Variants in CRYBG1 observed in about 807,000 individuals in gnomAD.
The protein encoded by CRYBG1 is beta/gamma crystallin domain-containing protein 1.
CRYBG1 carries 139 observed loss-of-function variants against 189.2 expected under a neutral mutation model. That is an observed-to-expected ratio of 0.73 (90% CI 0.64 to 0.85). The LOEUF is 0.85. Among genes scored for constraint, CRYBG1 ranks in the 40% least tolerant of loss-of-function variants. CRYBG1 has a pLI of 0.00. For missense variants in CRYBG1, 2,611 were observed against 2,675.8 expected, an observed-to-expected ratio of 0.98 and a Z score of 0.53; for synonymous variants, 1,023 against 1,017.1, an observed-to-expected ratio of 1.01 and a Z score of -0.11.
intron 18 of CRYBG1, among the ~76,000 whole-genome samples, chr6:106,560,456 TAAC>T (rs1774683525): frequency 6.6e-6 from 1 of 152,192 alleles, no homozygotes; most frequent in South Asian, 2.1e-4. Context: ...TTGGAAATAT[TAAC>T]AACTTAAAGA....
intron 1 of CRYBG1, among the ~76,000 whole-genome samples, chr6:106,416,215 C>T (rs1474955740): frequency 6.6e-6 from 1 of 152,222 alleles, no homozygotes; most frequent in African/African-American, 2.4e-5. Flanking sequence ...AATACCACTC[C>T]CACTGTGGAC....
rs373264265 is a variant in CRYBG1, at chr6:106,558,100, A to G, written c.5716-386A>G. Among the ~76,000 whole-genome samples, 60 of 152,326 alleles carry G rather than the reference A, an allele frequency of 3.9e-4. 1 individual carries two copies. The highest frequency in any genetic ancestry group is 1.3e-3 in the African/African-American group (54 of 41,574). On this transcript the variant is annotated intron_variant, in intron 17 of 21. Transcript: ENST00000633556. ...TGTACACTAAGTGACTAAACATCAGATGCCACAGCCCTCTGACCCTTGGCA... is the reference window on the plus strand; with the variant it reads ...TGTACACTAAGTGACTAAACATCAGGTGCCACAGCCCTCTGACCCTTGGCA...
At chr6:106,514,285 T>G (rs566370368) in intron 3 of CRYBG1, among the ~76,000 whole-genome samples, 1 of 152,340 alleles carries the variant, frequency 6.6e-6, no homozygotes, top group South Asian at 2.1e-4. Flanking sequence ...TGCTTAAGTT[T>G]TTCCTCCATT....
intron 1 of CRYBG1, among the ~76,000 whole-genome samples, chr6:106,376,772 C>T (rs1770171675): frequency 2.0e-5 from 3 of 152,150 alleles, no homozygotes; most frequent in Non-Finnish European, 4.4e-5. Context: ...TTTGTGTGTA[C>T]CATCGGTTCT....
In CRYBG1 at chr6:106,493,514, G is replaced by A. The variant is rs1439920724; in HGVS notation, c.313-17916G>A. Among the ~76,000 whole-genome samples the A allele has an allele frequency of 2.0e-5, 3 of 152,082 alleles. No homozygotes were observed. The East Asian group carries it at 5.8e-4, about 29-fold the overall frequency. On this transcript the variant is annotated intron_variant, in intron 2 of 21. Coordinates refer to ENST00000633556, the MANE Select transcript of CRYBG1 (RefSeq NM_001371242.2). ...TATATATCCAAAAGCATTGAGAGCA[G>A]GATCTCAAAGAGATATTTACACACC... is the stretch of plus-strand genomic sequence containing the variant.
chr6:106,457,754 A>G (rs1280751045), intron 2 of CRYBG1, among the ~76,000 whole-genome samples: 9 of 152,230 alleles, frequency 5.9e-5, no homozygotes, highest in Non-Finnish European at 8.8e-5. Context: ...CCACATGGGT[A>G]GATCTAGTAC....
At chr6:106,389,552 AG>A (rs958748269) in intron 1 of CRYBG1, among the ~76,000 whole-genome samples, 3 of 152,164 alleles carry the variant, frequency 2.0e-5, no homozygotes, top group African/African-American at 7.2e-5. Flanking sequence ...TGCATTAAAA[AG>A]CAAGGTGTTG....
At chr6:106,461,578 C>T (rs1772008592) in intron 2 of CRYBG1, among the ~76,000 whole-genome samples, 2 of 152,102 alleles carry the variant, frequency 1.3e-5, no homozygotes, top group African/African-American at 4.8e-5. Context: ...CTTTCCTAAT[C>T]GTGATAGAAT....
At position 106,525,256 on chromosome 6, in the gene CRYBG1, G is replaced by A. The variant is rs565417519; in HGVS notation, c.4294-12G>A. ...TACAACAAAGTGTGCTACCACTTTC[G>A]TTTTCTTGCAGGTAGTGATATATAG... On this transcript the variant is annotated splice_polypyrimidine_tract_variant and intron_variant, in intron 5 of 21. Coordinates refer to ENST00000633556, the MANE Select transcript of CRYBG1 (RefSeq NM_001371242.2). 3.1e-6 allele frequency: 5 copies of A among 1,613,634 alleles called. No individual in the cohort carries two copies. Among genetic ancestry groups the A allele is most frequent in the African/African-American group, 1.3e-5 (1 of 75,026 alleles).
chr6:106,505,647 C>A (rs571530074), intron 2 of CRYBG1, among the ~76,000 whole-genome samples: 1 of 152,172 alleles, frequency 6.6e-6, no homozygotes, highest in East Asian at 1.9e-4. Flanking sequence ...AATTTTCTAA[C>A]CCCTATTTTA....
In CRYBG1 at chr6:106,569,728, C is replaced by CACCTGCATCCACACATG. The variant is rs1247609040; in HGVS notation, c.*1163_*1179dup. 1.1e-4 allele frequency: 17 copies of CACCTGCATCCACACATG among 152,296 alleles called. No individual in the cohort carries two copies. The highest frequency in any genetic ancestry group is 4.1e-4 in the African/African-American group (17 of 41,558). 9.4% of individuals were successfully genotyped at this position (152,296 alleles called of 1,614,324 possible). A position where few individuals can be genotyped will look rare whatever the true frequency, so the allele number is the denominator to read the frequency against. ...TAGCCTAATTTCTTGTCCTCCTATC[C>CACCTGCATCCACACATG]ACCTGCATCCACACATGGCCTGCAT... On this transcript the variant is annotated 3_prime_UTR_variant, in exon 22 of 22. Coordinates refer to ENST00000633556, the MANE Select transcript of CRYBG1 (RefSeq NM_001371242.2).
intron 2 of CRYBG1, among the ~76,000 whole-genome samples, chr6:106,482,201 T>A (rs1772478026): frequency 6.6e-6 from 1 of 152,226 alleles, no homozygotes; most frequent in African/African-American, 2.4e-5. Context: ...CATAGCAACT[T>A]GCTTCTTGAA....
At chr6:106,534,245 T>C (rs1303178513) in intron 8 of CRYBG1, among the ~76,000 whole-genome samples, 1 of 152,204 alleles carries the variant, frequency 6.6e-6, no homozygotes, top group Admixed American at 6.5e-5. Flanking sequence ...TTGCAGTAAG[T>C]TTAGCTTTGC....
At chr6:106,459,022 T>C (rs1174733948) in intron 2 of CRYBG1, among the ~76,000 whole-genome samples, 1 of 152,196 alleles carries the variant, frequency 6.6e-6, no homozygotes, top group East Asian at 1.9e-4. Flanking sequence ...ACACTATATC[T>C]CATAAAAGCT....
chr6:106,482,579 T>C (rs565206980), intron 2 of CRYBG1, among the ~76,000 whole-genome samples: 1 of 151,954 alleles, frequency 6.6e-6, no homozygotes, highest in Non-Finnish European at 1.5e-5. Context: ...ATCGAGACCA[T>C]CCTGGCTAAC....
chr6:106,398,238 G>T (rs1562295997), intron 1 of CRYBG1, among the ~76,000 whole-genome samples: 1 of 152,064 alleles, frequency 6.6e-6, no homozygotes, highest in Non-Finnish European at 1.5e-5. Context: ...AAACCGGCCA[G>T]GTACGTTGGC....
intron 1 of CRYBG1, among the ~76,000 whole-genome samples, chr6:106,406,447 A>G (rs76391156): frequency 6.6e-6 from 1 of 152,218 alleles, no homozygotes; most frequent in Non-Finnish European, 1.5e-5. Context: ...CAAGTTGGAA[A>G]ACACTAAAAC....
At chr6:106,544,301 A>G (rs1317264137) in intron 11 of CRYBG1, among the ~76,000 whole-genome samples, 1 of 152,026 alleles carries the variant, frequency 6.6e-6, no homozygotes, top group African/African-American at 2.4e-5. Flanking sequence ...GGTTCTTTTG[A>G]GTCAGCCCTG....
chr6:106,522,200 A>G (rs1419258475), intron 4 of CRYBG1, among the ~76,000 whole-genome samples: 2 of 152,310 alleles, frequency 1.3e-5, no homozygotes, highest in East Asian at 3.9e-4. Flanking sequence ...AGCTTCCTCT[A>G]TTTGGGAAGT....
Sources: allele counts gnomAD v4.1 joint callset (sites outside exome capture counted in the v4.1 genomes callset), GRCh38; gene constraint gnomAD v4.1.1; transcripts MANE v1.5; gene names NCBI Gene and HGNC (gene_info 2026-07-23, HGNC 2026-07-21).